PTPRZ1: variants seen among roughly 807,000 people sequenced by gnomAD.
PTPRZ1 encodes protein tyrosine phosphatase receptor type Z1, also known as receptor-type tyrosine-protein phosphatase zeta.
Under a neutral mutation model 214.1 loss-of-function variants are expected in PTPRZ1, and 82 were observed. That is an observed-to-expected ratio of 0.38 (90% confidence interval 0.32 to 0.46). The LOEUF (loss-of-function observed/expected upper bound fraction) is 0.46. PTPRZ1 is among the 20% of genes least tolerant of loss of function. PTPRZ1 has a pLI of 1.00. For missense variants in PTPRZ1, 2,603 were observed against 2,748.7 expected, an observed-to-expected ratio of 0.95 and a Z score of 1.19; for synonymous variants, 945 against 987.9, an observed-to-expected ratio of 0.96 and a Z score of 0.81.
At chr7:121,903,469 A>G (rs914316072) in intron 1 of PTPRZ1, among the ~76,000 whole-genome samples, 1 of 152,190 alleles carries the variant, frequency 6.6e-6, no homozygotes, top group Non-Finnish European at 1.5e-5. Context: ...CAAAATTATT[A>G]GTTTATCAAA....
chr7:121,950,895 CAG>C (rs1026764820), intron 2 of PTPRZ1, among the ~76,000 whole-genome samples: 32 of 152,140 alleles, frequency 2.1e-4, no homozygotes, highest in Non-Finnish European at 4.0e-4. Flanking sequence ...AATTTAGAAA[CAG>C]AACGTATTTG....
chr7:122,048,288 A>G (rs1584776795), intron 23 of PTPRZ1, among the ~76,000 whole-genome samples: 1 of 152,228 alleles, frequency 6.6e-6, no homozygotes, highest in East Asian at 1.9e-4. Context: ...CTATCAAAAG[A>G]CTATTAAAAT....
At position 121,893,967 on chromosome 7, in the gene PTPRZ1, G is replaced by T. The variant is rs150469437; in HGVS notation, c.58+20410G>T. On this transcript the variant is annotated intron_variant, in intron 1 of 29. Transcript: ENST00000393386. The stretch of plus-strand genomic sequence containing the variant: ...CTTATAATAGGTTAAATGAGAAAGT[G>T]TTGAACAACCCGATCGTGTGCACAG... Among the ~76,000 whole-genome samples, 8 of 152,258 alleles carry T rather than the reference G, an allele frequency of 5.3e-5. No individual in the cohort carries two copies. The East Asian group carries it at 1.5e-3, about 29-fold the overall frequency.
intron 25 of PTPRZ1, among the ~76,000 whole-genome samples, chr7:122,052,513 T>A (rs1792218243): frequency 6.6e-6 from 1 of 152,186 alleles, no homozygotes; most frequent in South Asian, 2.1e-4. Context: ...ACCTAATTCT[T>A]ATTCCAAAAC....
chr7:121,911,499 C>T (rs887148155), intron 1 of PTPRZ1, among the ~76,000 whole-genome samples: 2 of 152,052 alleles, frequency 1.3e-5, no homozygotes, highest in Non-Finnish European at 2.9e-5. Context: ...ATAAATGTTT[C>T]TAGATTGCGT....
chr7:121,974,099 A>G (rs1000338561), intron 4 of PTPRZ1, among the ~76,000 whole-genome samples: 2 of 152,096 alleles, frequency 1.3e-5, no homozygotes, highest in African/African-American at 4.8e-5. Context: ...TTTATAATTC[A>G]AAAGTTATTA....
At chr7:121,879,278 T>C (rs1178469711) in intron 1 of PTPRZ1, among the ~76,000 whole-genome samples, 1 of 152,186 alleles carries the variant, frequency 6.6e-6, no homozygotes, top group Non-Finnish European at 1.5e-5. Flanking sequence ...GGCCAGAACA[T>C]CAAGTCAGCT....
chr7:121,886,972 A>G (rs915052828), intron 1 of PTPRZ1, among the ~76,000 whole-genome samples: 1 of 152,018 alleles, frequency 6.6e-6, no homozygotes, highest in African/African-American at 2.4e-5. Flanking sequence ...TTGAATCTCC[A>G]CACGTGTGCT....
intron 1 of PTPRZ1, among the ~76,000 whole-genome samples, chr7:121,880,877 G>A (rs941390126): frequency 5.9e-5 from 9 of 152,148 alleles, no homozygotes; most frequent in Non-Finnish European, 1.3e-4. Flanking sequence ...GCCCAAAGGA[G>A]CATAAGGATA....
At position 122,012,039 on chromosome 7, in the gene PTPRZ1, G is replaced by A. The variant is rs1294095029; in HGVS notation, c.2993G>A (p.Gly998Glu). The stretch of plus-strand genomic sequence containing the variant: ...CTCTCTGGTGATGGGGAATGGTCTG[G>A]AGCCTCTTCTGATAGTGAATTTCTT... ...HALSGDGEWS[G>E]ASSDSEFLLP... The change falls in exon 12 of 30, where the codon GGA becomes GAA. Residue 998 changes from glycine (G) to glutamate (E), a missense_variant. This residue lies in a region of PTPRZ1 where 1,913 missense variants were observed against 1,914.3 expected (regional missense o/e 1.00). Coordinates refer to ENST00000393386, the MANE Select transcript of PTPRZ1 (RefSeq NM_002851.3). 1 of 1,614,224 alleles carries A rather than the reference G, an allele frequency of 6.2e-7. No individual in the cohort carries two copies. Among genetic ancestry groups the A allele is most frequent in the Admixed American group, 1.7e-5 (1 of 60,028 alleles).
chr7:121,921,654 A>C (rs1440243981), intron 1 of PTPRZ1, among the ~76,000 whole-genome samples: 1 of 152,140 alleles, frequency 6.6e-6, no homozygotes, highest in Non-Finnish European at 1.5e-5. Context: ...ATTTTGCATA[A>C]AGTTTCTATT....
At chr7:121,943,349 T>G (rs1796282381) in intron 2 of PTPRZ1, among the ~76,000 whole-genome samples, 1 of 152,166 alleles carries the variant, frequency 6.6e-6, no homozygotes, top group African/African-American at 2.4e-5. Context: ...TGTATTTATT[T>G]ATTTTTTTGA....
chr7:121,996,251 C>T (rs2116610806), intron 8 of PTPRZ1, 131 bp from the exon 9 acceptor site: 1 of 609,884 alleles, frequency 1.6e-6, no homozygotes, highest in African/African-American at 1.9e-5. Context: ...GCAAAAGCTC[C>T]ACAGTGGGAA....
At chr7:121,937,337 G>A (rs891351598) in intron 2 of PTPRZ1, among the ~76,000 whole-genome samples, 1 of 152,152 alleles carries the variant, frequency 6.6e-6, no homozygotes, top group African/African-American at 2.4e-5. Flanking sequence ...AGACAGTTGG[G>A]GGACTGAGGA....
chr7:121,909,036 T>C, intron 1 of PTPRZ1: 1 of 479,182 alleles, frequency 2.1e-6, no homozygotes, highest in Non-Finnish European at 4.1e-6. Flanking sequence ...CTAATGTAAT[T>C]TTGGAATCAA....
chr7:121,986,579 G>A lies in PTPRZ1; in HGVS notation c.928+2462G>A, dbSNP rs79712969. Reference sequence around the variant, plus strand: ...AGTAAGGAAAATAATTTTCTTGAATGGAGCTTGTAGGAATCGATTTTATTC... The same window carrying A: ...AGTAAGGAAAATAATTTTCTTGAATAGAGCTTGTAGGAATCGATTTTATTC... On this transcript the variant is annotated intron_variant, in intron 8 of 29. Transcript: ENST00000393386. 4.7e-3 allele frequency among the ~76,000 whole-genome samples: 714 copies of A among 152,272 alleles called. 4 individuals are homozygous for A. The highest frequency in any genetic ancestry group is 0.01 in the Middle Eastern group (3 of 294).
chr7:121,966,610 T>C (rs576937569), intron 2 of PTPRZ1, among the ~76,000 whole-genome samples: 1 of 152,322 alleles, frequency 6.6e-6, no homozygotes, highest in East Asian at 1.9e-4. Context: ...TTTAAGATGA[T>C]TTTCAGTACC....
chr7:121,960,934 A>G (rs1584685251), intron 2 of PTPRZ1, among the ~76,000 whole-genome samples: 2 of 150,966 alleles, frequency 1.3e-5, no homozygotes, highest in African/African-American at 4.9e-5. Context: ...CGGTTATCTC[A>G]CTGAAGCATT....
chr7:121,910,992 A>T (rs939371257), intron 1 of PTPRZ1, among the ~76,000 whole-genome samples: 11 of 152,184 alleles, frequency 7.2e-5, no homozygotes, highest in African/African-American at 2.7e-4. Context: ...TAGACATCGA[A>T]TAAAAATAAG....
Sources: gnomAD v4.1 joint callset for allele counts (sites outside exome capture counted in the v4.1 genomes callset) on GRCh38, gnomAD v4.1.1 for gene constraint, gnomAD v4.1.1 regional missense constraint, MANE v1.5 for transcripts, NCBI Gene and HGNC (gene_info 2026-07-23, HGNC 2026-07-21) for gene names.